KIF13A: variants seen among roughly 807,000 people sequenced by gnomAD.
KIF13A encodes the protein kinesin-like protein KIF13A.
Under a neutral mutation model 212.2 loss-of-function variants are expected in KIF13A, and 79 were observed. That is an observed-to-expected ratio of 0.37 (90% confidence interval 0.31 to 0.45). The LOEUF is 0.45. Ranked by LOEUF, KIF13A falls within the 20% of genes least tolerant of loss-of-function variation. The pLI is 1.00. For missense variants in KIF13A, 1,901 were observed against 2,209.0 expected (o/e 0.86, Z 2.79); for synonymous variants, 789 against 808.6 (o/e 0.98, Z 0.41).
In KIF13A at chr6:17,873,383, A is replaced by G. The variant is rs745688584; in HGVS notation, c.214T>C (p.Tyr72His). The G allele has an allele frequency of 1.9e-6, 3 of 1,596,070 alleles. No individual in the cohort carries two copies. Among genetic ancestry groups the G allele is most frequent in the South Asian group, 2.3e-5 (2 of 87,810 alleles). ...GTAGAGGGAGAAAACTTACCAGCGT[A>G]TTTTGTAGTGTTAGATTCATCCATG... ...WSMDESNTTK[Y>H]AGQEVVFKCL... The change falls in exon 4 of 39, where the codon TAC (tyrosine) becomes CAC (histidine). Residue 72 changes from tyrosine to histidine, a missense_variant. Transcript: ENST00000259711.
chr6:17,765,101 A>G (rs1451311585), intron 38 of KIF13A, among the ~76,000 whole-genome samples, 155 bp from the exon 39 acceptor site: 5 of 152,166 alleles, frequency 3.3e-5, no homozygotes, highest in Non-Finnish European at 7.4e-5. Context: ...CTTGTCACCT[A>G]TTGTAGATAT....
Position 17,799,472 on chromosome 6 carries a change from A to G in KIF13A, c.2617-33T>C, listed in dbSNP as rs1165964362. On this transcript the variant is annotated intron_variant, in intron 21 of 38. Coordinates refer to ENST00000259711, the MANE Select transcript of KIF13A (RefSeq NM_022113.6). The surrounding 1 kb of genome is among the most constrained non-coding windows in gnomAD (Gnocchi z 4.4). ...GATAAACAATACAAATAAAACTCCA[A>G]TGAACACTAAACATTCTTTCATTTC... The G allele has an allele frequency of 1.4e-6, 2 of 1,446,234 alleles. No individual in the cohort carries two copies. The highest frequency in any genetic ancestry group is 2.5e-5 in the East Asian group (1 of 39,954). 89.6% of individuals were successfully genotyped at this position (1,446,234 alleles called of 1,614,324 possible).
chr6:17,862,318 A>G (rs1768877672), intron 4 of KIF13A, among the ~76,000 whole-genome samples: 1 of 152,226 alleles, frequency 6.6e-6, no homozygotes, highest in African/African-American at 2.4e-5. Flanking sequence ...CAATATAGGT[A>G]AAGTACTTAC....
intron 2 of KIF13A, among the ~76,000 whole-genome samples, chr6:17,978,203 C>T (rs981602829): frequency 4.6e-5 from 7 of 152,168 alleles, no homozygotes; most frequent in African/African-American, 1.7e-4. Context: ...CAATCGAATA[C>T]AAGAATTATA....
intron 2 of KIF13A, among the ~76,000 whole-genome samples, chr6:17,923,313 TAAAATA>T (rs2150524099): frequency 1.3e-5 from 2 of 150,652 alleles, no homozygotes; most frequent in Admixed American, 1.3e-4. Context: ...TAAATAACAA[TAAAATA>T]AAAATAAAAA....
Position 17,855,622 on chromosome 6 carries a change from A to G in KIF13A, c.314-5T>C. On this transcript the variant is annotated splice_region_variant and splice_polypyrimidine_tract_variant and intron_variant, in intron 5 of 38. Transcript: ENST00000259711. This position sits in a 1 kb window ranked among gnomAD's most constrained non-coding sequence, Gnocchi z 4.1. The stretch of plus-strand genomic sequence containing the variant: ...TGGAAAAGGATTTTCCCGAACCTGG[A>G]GAACAGCAAGGAAAAAGAAGAACAG... 4.4e-6 allele frequency: 7 copies of G among 1,596,250 alleles called. No homozygotes were observed. Among genetic ancestry groups the G allele is most frequent in the Non-Finnish European group, 6.0e-6 (7 of 1,174,210 alleles).
At chr6:17,978,197 C>T (rs1165211376) in intron 2 of KIF13A, among the ~76,000 whole-genome samples, 1 of 152,050 alleles carries the variant, frequency 6.6e-6, no homozygotes, top group East Asian at 1.9e-4. Context: ...GGTCTACAAT[C>T]GAATACAAGA....
chr6:17,800,260 ACCAGAGCAGT>A, intron 20 of KIF13A, 147 bp from the exon 21 acceptor site: 2 of 722,582 alleles, frequency 2.8e-6, no homozygotes, highest in African/African-American at 1.8e-5. Context: ...CCCTGCTACT[ACCAGAGCAGT>A]CCATTCCACC....
chr6:17,789,935 G>A lies in KIF13A; in HGVS notation c.3223-25C>T. 1 of 1,604,546 alleles carries A rather than the reference G, an allele frequency of 6.2e-7. No homozygotes were observed. The highest frequency in any genetic ancestry group is 1.1e-5 in the South Asian group (1 of 90,512). On this transcript the variant is annotated intron_variant, in intron 25 of 38. Transcript: ENST00000259711. This position sits in a 1 kb window ranked among gnomAD's most constrained non-coding sequence, Gnocchi z 4.8. ...TCTGGTAGGAAAAAATAAACACAAA[G>A]GACAAGCATTTTGTTTTTCAAACCA...
intron 13 of KIF13A, among the ~76,000 whole-genome samples, chr6:17,830,256 T>C (rs1161543421): frequency 6.6e-6 from 1 of 152,256 alleles, no homozygotes; most frequent in African/African-American, 2.4e-5. Context: ...AACATGTTGT[T>C]TGCCTTTGCT....
At chr6:17,796,225 G>A (rs934409460) in intron 23 of KIF13A, among the ~76,000 whole-genome samples, 5 of 146,972 alleles carry the variant, frequency 3.4e-5, no homozygotes, top group Non-Finnish European at 7.4e-5. Context: ...TTTTGGAGAC[G>A]GAGTCTCACT....
chr6:17,763,818 G>C lies in KIF13A; in HGVS notation c.*292C>G. On this transcript the variant is annotated 3_prime_UTR_variant, in exon 39 of 39. Transcript: ENST00000259711. ...GGTAGATGCTACCAGAACACTTTGG[G>C]AAAACTGGTAACTAAACATCCCAGG... The C allele has an allele frequency of 8.3e-7, 1 of 1,203,272 alleles. No individual in the cohort carries two copies. Among genetic ancestry groups the C allele is most frequent in the South Asian group, 2.6e-5 (1 of 38,102 alleles). 74.5% of individuals were successfully genotyped at this position (1,203,272 alleles called of 1,614,324 possible). A position where few individuals can be genotyped will look rare whatever the true frequency, so the allele number is the denominator to read the frequency against.
At chr6:17,942,839 G>A (rs539542716) in intron 2 of KIF13A, among the ~76,000 whole-genome samples, 50 of 151,976 alleles carry the variant, frequency 3.3e-4, no homozygotes, top group African/African-American at 1.1e-3. Flanking sequence ...TTAGCTGGGC[G>A]TGGTGTCAAC....
chr6:17,959,098 G>A (rs935288732), intron 2 of KIF13A, among the ~76,000 whole-genome samples: 1 of 151,648 alleles, frequency 6.6e-6, no homozygotes. Flanking sequence ...TCACTATCTT[G>A]CCCAGGCTGT....
chr6:17,982,522 T>C lies in KIF13A; in HGVS notation c.146+4532A>G. 1.5e-6 allele frequency: 1 copy of C among 663,944 alleles called. No individual in the cohort carries two copies. The highest frequency in any genetic ancestry group is 1.9e-6 in the Non-Finnish European group (1 of 536,862). 41.1% of individuals were successfully genotyped at this position (663,944 alleles called of 1,614,324 possible). ...CTTCAACTGACCCTCCCTCACACGA[T>C]TTGCAAGGTGTATTGTTCATCCTGC... On this transcript the variant is annotated intron_variant, in intron 2 of 38. Transcript: ENST00000259711. The surrounding 1 kb of genome is among the most constrained non-coding windows in gnomAD (Gnocchi z 5.1).
Position 17,871,337 on chromosome 6 carries a change from T to A in KIF13A, c.220+2040A>T, listed in dbSNP as rs1400539091. On this transcript the variant is annotated intron_variant, in intron 4 of 38. Coordinates refer to ENST00000259711, the MANE Select transcript of KIF13A (RefSeq NM_022113.6). The surrounding 1 kb of genome is among the most constrained non-coding windows in gnomAD (Gnocchi z 4.4). ...CAGATTTTCTCTCTTTAAAATCTGG[T>A]GCCTTTTCTCTTTCTCTTTAAAATC... Among the ~76,000 whole-genome samples the A allele has an allele frequency of 6.6e-6, 1 of 152,172 alleles. No homozygotes were observed. The highest frequency in any genetic ancestry group is 2.4e-5 in the African/African-American group (1 of 41,418).
rs1760105106 is a variant in KIF13A, at chr6:17,777,494, C to T, written c.4093-140G>A. On this transcript the variant is annotated intron_variant, in intron 33 of 38. Coordinates refer to ENST00000259711, the MANE Select transcript of KIF13A (RefSeq NM_022113.6). The surrounding 1 kb of genome is among the most constrained non-coding windows in gnomAD (Gnocchi z 4.4). ...TGCCTCCTGGGTTCAAGCAATTCTG[C>T]CTCAGTCTCCTGAGTAGCTGGGACT... is the stretch of plus-strand genomic sequence containing the variant. 7 of 684,762 alleles carry T rather than the reference C, an allele frequency of 1.0e-5. No homozygotes were observed. The South Asian group carries it at 1.2e-4, about 11-fold the overall frequency. 42.4% of individuals were successfully genotyped at this position (684,762 alleles called of 1,614,324 possible). A position where few individuals can be genotyped will look rare whatever the true frequency, so the allele number is the denominator to read the frequency against.
intron 9 of KIF13A, among the ~76,000 whole-genome samples, chr6:17,844,779 T>C (rs1766856345): frequency 6.6e-6 from 1 of 152,212 alleles, no homozygotes; most frequent in Non-Finnish European, 1.5e-5. Context: ...ATGGACTCCG[T>C]AATGTACAAG....
downstream of KIF13A, among the ~76,000 whole-genome samples, chr6:17,761,197 T>C (rs1437310340): frequency 6.6e-6 from 1 of 152,130 alleles, no homozygotes; most frequent in Non-Finnish European, 1.5e-5. Context: ...AATTTTAAAC[T>C]GTCAAAACAA....
Sources: gnomAD v4.1 joint callset for allele counts (sites outside exome capture counted in the v4.1 genomes callset) on GRCh38, gnomAD v4.1.1 for gene constraint, Gnocchi (gnomAD v3.1) non-coding constraint, MANE v1.5 for transcripts, NCBI Gene and HGNC (gene_info 2026-07-23, HGNC 2026-07-21) for gene names.